Variants in RHOBTB3 observed in about 807,000 individuals in gnomAD.
The protein encoded by RHOBTB3 is rho-related BTB domain-containing protein 3.
In RHOBTB3, 47 loss-of-function variants were observed where a neutral mutation model predicts 67.2. That is an observed-to-expected ratio of 0.70 (90% CI 0.55 to 0.89). The LOEUF is 0.89. Ranked by LOEUF, RHOBTB3 falls within the 40% of genes least tolerant of loss-of-function variation. RHOBTB3 has a pLI of 0.00. For missense variants in RHOBTB3, 631 were observed against 750.0 expected, an observed-to-expected ratio of 0.84 and a Z score of 1.85; for synonymous variants, 273 against 274.2, an observed-to-expected ratio of 1.00 and a Z score of 0.04.
intron 3 of RHOBTB3, among the ~76,000 whole-genome samples, chr5:95,742,472 A>G (rs1561441393): frequency 6.6e-6 from 1 of 152,202 alleles, no homozygotes; most frequent in Non-Finnish European, 1.5e-5. Flanking sequence ...GTGACTTCAG[A>G]TATCACCATC....
At chr5:95,731,731 C>A (rs528209031) in intron 1 of RHOBTB3, 47 bp downstream of exon 1, 5 of 1,612,410 alleles carry the variant, frequency 3.1e-6, no homozygotes, top group Non-Finnish European at 4.2e-6. Context: ...CAGCGCGTGC[C>A]GTGCGCCCCA....
intron 8 of RHOBTB3, among the ~76,000 whole-genome samples, chr5:95,771,136 C>A (rs1179342874): frequency 6.6e-6 from 1 of 152,036 alleles, no homozygotes; most frequent in Non-Finnish European, 1.5e-5. Context: ...TAGAGGAATA[C>A]CCAATTATGT....
chr5:95,775,705 T>C (rs1745853812), intron 8 of RHOBTB3, among the ~76,000 whole-genome samples: 1 of 152,044 alleles, frequency 6.6e-6, no homozygotes, highest in African/African-American at 2.4e-5. Context: ...AATGAATGTC[T>C]AATTTTGGGG....
chr5:95,747,573 C>G (rs993331013), intron 3 of RHOBTB3, among the ~76,000 whole-genome samples: 1 of 152,138 alleles, frequency 6.6e-6, no homozygotes, highest in African/African-American at 2.4e-5. Flanking sequence ...ATATTTTTAG[C>G]CTTACTAGGG....
At position 95,750,435 on chromosome 5, in the gene RHOBTB3, A is replaced by G. The variant is rs370874901; in HGVS notation, c.571-1804A>G. Among the ~76,000 whole-genome samples the G allele has an allele frequency of 7.9e-5, 12 of 152,342 alleles. No homozygotes were observed. In the East Asian group the frequency reaches 1.7e-3, roughly 22 times the overall value. On this transcript the variant is annotated intron_variant, in intron 4 of 11. Transcript: ENST00000379982. ...GCTACATGTGGCTATTTATATTTAA[A>G]TGAATTGAAATAAAACCAAGTAAAA...
At chr5:95,741,356 G>C (rs1755592385) in intron 3 of RHOBTB3, among the ~76,000 whole-genome samples, 1 of 150,150 alleles carries the variant, frequency 6.7e-6, no homozygotes, top group Non-Finnish European at 1.5e-5. Flanking sequence ...AAAAAAAAAA[G>C]AGATAGAATC....
At chr5:95,762,138 T>C (rs901342313) in intron 6 of RHOBTB3, among the ~76,000 whole-genome samples, 2 of 152,178 alleles carry the variant, frequency 1.3e-5, no homozygotes, top group Non-Finnish European at 2.9e-5. Flanking sequence ...ATTTCCTTGT[T>C]CTGTGATGTC....
intron 3 of RHOBTB3, among the ~76,000 whole-genome samples, chr5:95,742,292 A>C (rs1035003000): frequency 6.6e-6 from 1 of 152,194 alleles, no homozygotes; most frequent in African/African-American, 2.4e-5. Flanking sequence ...ATCTCATTTC[A>C]ATAACTTTTT....
chr5:95,775,246 A>G (rs908941341), intron 8 of RHOBTB3, among the ~76,000 whole-genome samples: 6 of 151,966 alleles, frequency 3.9e-5, no homozygotes, highest in Non-Finnish European at 7.4e-5. Flanking sequence ...CCAAAATCCA[A>G]AATGCCCTAA....
At chr5:95,744,617 C>G (rs1755698968) in intron 3 of RHOBTB3, among the ~76,000 whole-genome samples, 1 of 152,068 alleles carries the variant, frequency 6.6e-6, no homozygotes, top group Admixed American at 6.5e-5. Flanking sequence ...GATGTAATTA[C>G]AAAGTAATTA....
rs1433816759 is a variant in RHOBTB3 at position 95,736,946 on chromosome 5, A to G, written c.286A>G (p.Ile96Val). 6.2e-7 allele frequency: 1 copy of G among 1,613,100 alleles called. No individual in the cohort carries two copies. The highest frequency in any genetic ancestry group is 1.1e-5 in the South Asian group (1 of 90,902). Residue 96 changes from isoleucine to valine, a missense_variant, in exon 3 of 12, where the codon ATT becomes GTT. Physicochemically the swap from Ile to Val is conservative, Grantham distance 29 (BLOSUM62 3). Coordinates refer to ENST00000379982, the MANE Select transcript of RHOBTB3 (RefSeq NM_014899.4). ...AAATCTAATTGGGGGCGCTGACATC[A>G]TTGTGATCAAATACAACGTTAATGA... ...SRNLIGGADI[I>V]VIKYNVNDKF... is the part of the protein sequence containing the mutation.
At chr5:95,776,468 A>T (rs1745885591) in intron 8 of RHOBTB3, among the ~76,000 whole-genome samples, 1 of 152,140 alleles carries the variant, frequency 6.6e-6, no homozygotes, top group Non-Finnish European at 1.5e-5. Context: ...TTTTATAATT[A>T]TATTTTGTAA....
chr5:95,768,569 C>T (rs997128407), intron 8 of RHOBTB3, among the ~76,000 whole-genome samples: 7 of 152,100 alleles, frequency 4.6e-5, no homozygotes, highest in Non-Finnish European at 1.0e-4. Context: ...TTTATTTGAG[C>T]AAAAGGAATT....
intron 7 of RHOBTB3, among the ~76,000 whole-genome samples, chr5:95,765,753 C>T (rs1377274317): frequency 1.3e-5 from 2 of 152,206 alleles, no homozygotes; most frequent in Admixed American, 6.5e-5. Context: ...GCTCCGCCTC[C>T]CGGGTTCATG....
At chr5:95,761,963 A>G (rs545767910) in intron 6 of RHOBTB3, among the ~76,000 whole-genome samples, 2 of 152,338 alleles carry the variant, frequency 1.3e-5, no homozygotes, top group African/African-American at 4.8e-5. Context: ...CAGAAAGAGA[A>G]AAACAGAAAT....
At position 95,723,247 on chromosome 5, in the gene RHOBTB3, T is replaced by G. The variant is rs185866300; in HGVS notation, n.133+5482T>G. On this transcript the variant is annotated intron_variant and non_coding_transcript_variant, in intron 1 of 5. Coordinates refer to the RHOBTB3 transcript ENST00000504949. ...TGTTTTAAGAAAGTTCAAAAATTTG[T>G]GTTGGGCCACATTCAAAGCCATCCT... 4.6e-3 allele frequency among the ~76,000 whole-genome samples: 694 copies of G among 152,242 alleles called. 3 individuals are homozygous for G. Among genetic ancestry groups the G allele is most frequent in the Middle Eastern group, 0.01 (3 of 294 alleles).
In RHOBTB3 at chr5:95,760,246, A is replaced by G. The variant is rs532391195; in HGVS notation, c.1049-3262A>G. On this transcript the variant is annotated intron_variant, in intron 6 of 11. Coordinates refer to ENST00000379982, the MANE Select transcript of RHOBTB3 (RefSeq NM_014899.4). Reference sequence around the variant, plus strand: ...TATAAGTACTTAACTACTAATCCTAAGGAACGAGGAGTAATGTGATAAGTG... The same window carrying G: ...TATAAGTACTTAACTACTAATCCTAGGGAACGAGGAGTAATGTGATAAGTG... Among the ~76,000 whole-genome samples, 8 of 152,346 alleles carry G rather than the reference A, an allele frequency of 5.3e-5. 1 individual carries two copies. The highest frequency in any genetic ancestry group is 5.2e-4 in the Admixed American group (8 of 15,308).
chr5:95,781,677 C>A (rs921121928), intron 9 of RHOBTB3: 1 of 152,296 alleles, frequency 6.6e-6, no homozygotes, highest in South Asian at 2.1e-4. Flanking sequence ...TGGTGAAACC[C>A]CGTCTCTACT....
chr5:95,793,147 C>T lies in RHOBTB3; in HGVS notation c.1809C>T (p.Ser603=). Residue 603 remains serine (S), a synonymous_variant, in exon 12 of 12, where the codon TCC becomes TCT. Transcript: ENST00000379982. Reference sequence around the variant, plus strand: ...CGGAATACAGGAAGTATATTCACTCCCGGAAATGTCGTTGCTTAGTAATGT... The same window carrying T: ...CGGAATACAGGAAGTATATTCACTCTCGGAAATGTCGTTGCTTAGTAATGT... ...QLAEYRKYIH[S]RKCRCLVM 1 of 1,611,272 alleles carries T rather than the reference C, an allele frequency of 6.2e-7. No homozygotes were observed. The highest frequency in any genetic ancestry group is 1.1e-5 in the South Asian group (1 of 90,654).
Sources: allele counts gnomAD v4.1 joint callset (sites outside exome capture counted in the v4.1 genomes callset), GRCh38; gene constraint gnomAD v4.1.1; transcripts MANE v1.5; gene names NCBI Gene and HGNC (gene_info 2026-07-23, HGNC 2026-07-21).